KIAA1328: variants seen among roughly 807,000 people sequenced by gnomAD.
KIAA1328 encodes the protein KIAA1328, also known as protein hinderin.
KIAA1328 carries 52 observed loss-of-function variants against 68.1 expected under a neutral mutation model. The observed-to-expected ratio is 0.76, with a 90% CI of 0.61 to 0.96. The LOEUF (loss-of-function observed/expected upper bound fraction) is 0.96, where lower values mean the gene tolerates loss of function less well. Ranked by LOEUF, KIAA1328 falls within the 40% of genes least tolerant of loss-of-function variation. KIAA1328 has a pLI of 0.00. For missense variants in KIAA1328, 641 were observed against 677.6 expected, an observed-to-expected ratio of 0.95 and a Z score of 0.60; for synonymous variants, 232 against 239.4, an observed-to-expected ratio of 0.97 and a Z score of 0.28.
At chr18:37,025,685 G>A (rs1312767061) in intron 6 of KIAA1328, among the ~76,000 whole-genome samples, 1 of 152,158 alleles carries the variant, frequency 6.6e-6, no homozygotes, top group Non-Finnish European at 1.5e-5. Context: ...CGAGAACAAA[G>A]ACAAAACATA....
intron 5 of KIAA1328, among the ~76,000 whole-genome samples, chr18:36,892,262 CT>C (rs1022218166): frequency 6.6e-6 from 1 of 151,996 alleles, no homozygotes; most frequent in Admixed American, 6.6e-5. Flanking sequence ...AAGGTCTCTC[CT>C]TTTTAATGTA....
chr18:36,874,003 C>A (rs2048036455), intron 4 of KIAA1328, among the ~76,000 whole-genome samples: 1 of 152,190 alleles, frequency 6.6e-6, no homozygotes, highest in Non-Finnish European at 1.5e-5. Flanking sequence ...CATGTCCCTG[C>A]AAAGGGCATG....
chr18:37,058,251 C>T (rs553368384), intron 6 of KIAA1328, among the ~76,000 whole-genome samples: 7 of 152,208 alleles, frequency 4.6e-5, no homozygotes, highest in Admixed American at 1.3e-4. Context: ...ACCCCTTCCT[C>T]GTTGTTGCTT....
intron 7 of KIAA1328, among the ~76,000 whole-genome samples, chr18:37,159,532 T>G (rs1459648005): frequency 6.6e-6 from 1 of 152,216 alleles, no homozygotes; most frequent in Non-Finnish European, 1.5e-5. Flanking sequence ...TAACACATCA[T>G]TAGAATATTT....
At chr18:36,942,339 G>A (rs930078331) in intron 5 of KIAA1328, among the ~76,000 whole-genome samples, 7 of 152,160 alleles carry the variant, frequency 4.6e-5, no homozygotes, top group Non-Finnish European at 8.8e-5. Flanking sequence ...GCACAGGAAC[G>A]AATTTTGGTT....
chr18:36,933,938 G>A (rs1256016797), intron 5 of KIAA1328, among the ~76,000 whole-genome samples: 1 of 152,180 alleles, frequency 6.6e-6, no homozygotes, highest in East Asian at 1.9e-4. Context: ...TTGGGGGATA[G>A]GCGCCTGTGG....
intron 6 of KIAA1328, among the ~76,000 whole-genome samples, chr18:36,970,553 C>T (rs2052153516): frequency 6.6e-6 from 1 of 152,130 alleles, no homozygotes; most frequent in South Asian, 2.1e-4. Context: ...ATTTAGAAAA[C>T]CCCATTGTCT....
chr18:36,906,232 CT>C (rs1013006019), intron 5 of KIAA1328, among the ~76,000 whole-genome samples: 3 of 152,096 alleles, frequency 2.0e-5, no homozygotes, highest in Non-Finnish European at 4.4e-5. Flanking sequence ...CTAAGATTCA[CT>C]TTTTTGCAGC....
intron 5 of KIAA1328, among the ~76,000 whole-genome samples, chr18:36,890,319 G>A (rs1484171979): frequency 6.6e-6 from 1 of 150,544 alleles, no homozygotes; most frequent in Non-Finnish European, 1.5e-5. Context: ...TATTATCTAT[G>A]TAAAAGTAAT....
At chr18:36,845,696 T>G (rs1348483508) in intron 4 of KIAA1328, among the ~76,000 whole-genome samples, 1 of 151,760 alleles carries the variant, frequency 6.6e-6, no homozygotes, top group Admixed American at 6.6e-5. Context: ...GATATAAAAT[T>G]AATCAAGTCA....
At chr18:37,228,691 G>A (rs1371451979), downstream of KIAA1328, among the ~76,000 whole-genome samples, 4 of 152,166 alleles carry the variant, frequency 2.6e-5, no homozygotes, top group South Asian at 2.1e-4. Flanking sequence ...ATGGTGGCAG[G>A]CACCTGTAAT....
intron 5 of KIAA1328, among the ~76,000 whole-genome samples, chr18:36,932,554 C>T (rs2050349388): frequency 6.6e-6 from 1 of 152,122 alleles, no homozygotes; most frequent in African/African-American, 2.4e-5. Flanking sequence ...CCATAATTGA[C>T]ATTTATTATA....
chr18:37,098,354 C>T (rs1428800192), intron 7 of KIAA1328, among the ~76,000 whole-genome samples: 2 of 152,142 alleles, frequency 1.3e-5, no homozygotes, highest in African/African-American at 4.8e-5. Context: ...GTCTTTGGTT[C>T]TGTTTATATG....
rs1027299515 is a variant in KIAA1328 at position 37,222,376 on chromosome 18, T to C, written c.*149T>C. On this transcript the variant is annotated 3_prime_UTR_variant, in exon 10 of 10. Transcript: ENST00000280020. The stretch of plus-strand genomic sequence containing the variant: ...TGTTACGTATTGAATATAGAAATCA[T>C]TCTAACAACCCAGGTTATTTTCAAT... The C allele has an allele frequency of 4.1e-6, 6 of 1,449,040 alleles. No homozygotes were observed. Among genetic ancestry groups the C allele is most frequent in the Non-Finnish European group, 5.4e-6 (6 of 1,108,334 alleles). The allele number at this position is 1,449,040 out of a possible 1,614,324, so 89.8% of individuals were successfully genotyped here.
chr18:37,227,056 C>T (rs760380433), downstream of KIAA1328, among the ~76,000 whole-genome samples: 3 of 152,162 alleles, frequency 2.0e-5, no homozygotes, highest in Non-Finnish European at 4.4e-5. Context: ...TGTGAGCCAC[C>T]GCGCCCAGGC....
intron 7 of KIAA1328, among the ~76,000 whole-genome samples, chr18:37,067,842 G>C (rs1166220071): frequency 2.6e-5 from 4 of 152,116 alleles, no homozygotes; most frequent in Non-Finnish European, 5.9e-5. Flanking sequence ...ACAGGCATGA[G>C]CTACCGCGCC....
At chr18:37,196,361 C>G (rs1188705786) in intron 9 of KIAA1328, among the ~76,000 whole-genome samples, 1 of 152,074 alleles carries the variant, frequency 6.6e-6, no homozygotes, top group Non-Finnish European at 1.5e-5. Flanking sequence ...TTGTCTTGTT[C>G]CAGATCTTAG....
chr18:36,876,652 G>T (rs554055928), intron 4 of KIAA1328, among the ~76,000 whole-genome samples: 5 of 152,164 alleles, frequency 3.3e-5, no homozygotes, highest in African/African-American at 1.2e-4. Flanking sequence ...TTTTTTGGAA[G>T]GGTTTTTCAT....
chr18:37,026,147 C>T (rs1474608401), intron 6 of KIAA1328, among the ~76,000 whole-genome samples: 2 of 152,140 alleles, frequency 1.3e-5, no homozygotes, highest in African/African-American at 4.8e-5. Context: ...TTTCTCGACA[C>T]ATACACCCTC....
Sources: allele counts gnomAD v4.1 joint callset (sites outside exome capture counted in the v4.1 genomes callset), GRCh38; gene constraint gnomAD v4.1.1; transcripts MANE v1.5; gene names NCBI Gene and HGNC (gene_info 2026-07-23, HGNC 2026-07-21).